SLC8A1: variants seen among roughly 807,000 people sequenced by gnomAD.
SLC8A1 encodes solute carrier family 8 member A1, also known as sodium/calcium exchanger 1.
A neutral mutation model predicts 68.3 loss-of-function variants in SLC8A1; 18 were observed. The observed-to-expected ratio is 0.26, with a 90% CI of 0.18 to 0.39. The LOEUF is 0.39. SLC8A1 is among the 10% of genes least tolerant of loss of function. SLC8A1 has a pLI of 1.00. For missense variants in SLC8A1, 985 were observed against 1,156.7 expected (o/e 0.85, Z 2.15); for synonymous variants, 475 against 415.5 (o/e 1.14, Z -1.74).
At chr2:40,173,909 G>C (rs2148532288) in intron 4 of SLC8A1, among the ~76,000 whole-genome samples, 1 of 152,294 alleles carries the variant, frequency 6.6e-6, no homozygotes, top group African/African-American at 2.4e-5. Flanking sequence ...AAGATATTTA[G>C]AGACAACAGA....
rs573970244 is a variant in SLC8A1, at chr2:40,422,964, C to T, written c.1808+5509G>A. On this transcript the variant is annotated intron_variant, in intron 2 of 7. Coordinates refer to ENST00000406785, the Ensembl canonical transcript of SLC8A1. ...ACTTCATTGGGCTATTATAATATCA[C>T]ATGTATGAAAAGCATTTGAGAACGG... 7.3e-4 allele frequency among the ~76,000 whole-genome samples: 111 copies of T among 152,214 alleles called. 1 individual carries two copies. Among genetic ancestry groups the T allele is most frequent in the African/African-American group, 2.6e-3 (109 of 41,554 alleles).
intron 2 of SLC8A1, among the ~76,000 whole-genome samples, chr2:40,345,241 GC>G (rs1169773824): frequency 1.3e-5 from 2 of 151,986 alleles, no homozygotes. Context: ...TTCACTAGGG[GC>G]CCTGCTGCTC....
chr2:40,129,714 A>T (rs537976724), intron 7 of SLC8A1, among the ~76,000 whole-genome samples: 3 of 152,304 alleles, frequency 2.0e-5, no homozygotes, highest in African/African-American at 7.2e-5. Context: ...CACATAACAC[A>T]TGCATAACAC....
chr2:40,358,564 T>C (rs1417912460), intron 2 of SLC8A1, among the ~76,000 whole-genome samples: 1 of 152,192 alleles, frequency 6.6e-6, no homozygotes, highest in Non-Finnish European at 1.5e-5. Context: ...TTATTCTCTT[T>C]ATTTTGTGGA....
intron 2 of SLC8A1, among the ~76,000 whole-genome samples, chr2:40,242,006 T>G (rs1267965693): frequency 6.6e-6 from 1 of 152,174 alleles, no homozygotes; most frequent in Non-Finnish European, 1.5e-5. Context: ...CTATTTCCTA[T>G]AGTTTGCTAC....
chr2:40,307,172 A>AC, intron 2 of SLC8A1, among the ~76,000 whole-genome samples: 2 of 94,614 alleles, frequency 2.1e-5, no homozygotes, highest in East Asian at 8.4e-4. Flanking sequence ...CACACACACA[A>AC]ACACATACAC....
chr2:40,188,053 G>T (rs2051018371), intron 2 of SLC8A1, among the ~76,000 whole-genome samples: 1 of 152,096 alleles, frequency 6.6e-6, no homozygotes, highest in African/African-American at 2.4e-5. Flanking sequence ...AATTAAAGTG[G>T]ATCAAGCATA....
At chr2:40,301,149 A>G (rs1009919101) in intron 2 of SLC8A1, among the ~76,000 whole-genome samples, 5 of 152,188 alleles carry the variant, frequency 3.3e-5, no homozygotes, top group Non-Finnish European at 7.3e-5. Context: ...AAACAATGAT[A>G]AAAATAGTGA....
At chr2:40,335,627 T>C (rs541303733) in intron 2 of SLC8A1, among the ~76,000 whole-genome samples, 1 of 152,384 alleles carries the variant, frequency 6.6e-6, no homozygotes, top group Non-Finnish European at 1.5e-5. Context: ...TGCTACAATA[T>C]GACAGCCCTA....
chr2:40,255,057 T>TCTCCA (rs2063669607), intron 2 of SLC8A1: 1 of 151,810 alleles, frequency 6.6e-6, no homozygotes, highest in Admixed American at 6.6e-5. Flanking sequence ...TTCTTTCTCC[T>TCTCCA]TAAATGACAG....
chr2:40,364,509 C>CTTTTTTTTTTT (rs11377656), intron 2 of SLC8A1, among the ~76,000 whole-genome samples: 1 of 148,684 alleles, frequency 6.7e-6, no homozygotes, highest in Non-Finnish European at 1.5e-5. Flanking sequence ...AAATTGAATC[C>CTTTTTTTTTTT]TTTTTTTTTG....
chr2:40,239,051 GA>G (rs35656645), intron 2 of SLC8A1, among the ~76,000 whole-genome samples: 91,487 of 146,522 alleles, frequency 0.62, 28,911 homozygotes, highest in Non-Finnish European at 0.72. Flanking sequence ...AATTGCAGCA[GA>G]AAAAAAAAAA....
At chr2:40,140,817 T>C (rs1488282178) in intron 6 of SLC8A1, among the ~76,000 whole-genome samples, 1 of 137,518 alleles carries the variant, frequency 7.3e-6, no homozygotes, top group African/African-American at 2.9e-5. Flanking sequence ...TGACTTTATA[T>C]AACTATGCAA....
chr2:40,139,767 C>T (rs2041211370), intron 6 of SLC8A1, 91 bp from the exon 10 acceptor site: 1 of 1,366,862 alleles, frequency 7.3e-7, no homozygotes, highest in Non-Finnish European at 1.0e-6. Flanking sequence ...TCGGTCATCC[C>T]TCCACTCTGT....
chr2:40,494,276 T>G (rs1465139056), intron 1 of SLC8A1, among the ~76,000 whole-genome samples: 1 of 152,032 alleles, frequency 6.6e-6, no homozygotes, highest in African/African-American at 2.4e-5. Flanking sequence ...GTGCAATCAT[T>G]AAAAATAAAC....
chr2:40,420,053 A>G (rs1559607655), intron 2 of SLC8A1, among the ~76,000 whole-genome samples: 1 of 152,190 alleles, frequency 6.6e-6, no homozygotes, highest in Non-Finnish European at 1.5e-5. Context: ...GATTTTAGGT[A>G]GAATTTTTTG....
At chr2:40,284,782 G>A (rs535899998) in intron 2 of SLC8A1, among the ~76,000 whole-genome samples, 18 of 151,712 alleles carry the variant, frequency 1.2e-4, no homozygotes, top group Non-Finnish European at 2.1e-4. Flanking sequence ...AATGTCATCC[G>A]TGCAAACAAC....
intron 2 of SLC8A1, among the ~76,000 whole-genome samples, chr2:40,401,587 A>AT: frequency 8.0e-6 from 1 of 125,490 alleles, no homozygotes; most frequent in Admixed American, 7.7e-5. Flanking sequence ...AAAAAAAAAA[A>AT]AAAGAAAGAA....
At chr2:40,369,104 A>G (rs920588825) in intron 2 of SLC8A1, among the ~76,000 whole-genome samples, 2 of 152,124 alleles carry the variant, frequency 1.3e-5, no homozygotes, top group Admixed American at 1.3e-4. Context: ...GACCTAGGCA[A>G]TAACATTAAG....
Sources: gnomAD v4.1 joint callset for allele counts (sites outside exome capture counted in the v4.1 genomes callset) on GRCh38, gnomAD v4.1.1 for gene constraint, MANE v1.5 for transcripts, NCBI Gene and HGNC (gene_info 2026-07-23, HGNC 2026-07-21) for gene names.